The following OTOG variants were observed in gnomAD, a reference collection of about 807,000 sequenced individuals.
OTOG encodes the protein otogelin.
In OTOG, 296 loss-of-function variants were observed where a neutral mutation model predicts 313.8. The ratio of observed to expected loss-of-function variants is 0.94; its 90% CI spans 0.86 to 1.04. OTOG has a LOEUF of 1.04. Among genes scored for constraint, OTOG ranks in the 50% least tolerant of loss-of-function variants. The pLI is 0.00. For synonymous variants in OTOG, 1,533 were observed against 1,554.9 expected (o/e 0.99, Z 0.33); for missense variants, 3,948 against 3,840.1 (o/e 1.03, Z -0.74).
intron 32 of OTOG, among the ~76,000 whole-genome samples, chr11:17,603,577 C>T (rs989429143): frequency 6.6e-6 from 1 of 152,142 alleles, no homozygotes; most frequent in African/African-American, 2.4e-5. Flanking sequence ...GCCTGGGTCT[C>T]ATGGGCCCAG....
At chr11:17,580,887 G>C (rs1345081991) in intron 23 of OTOG, among the ~76,000 whole-genome samples, 1 of 152,194 alleles carries the variant, frequency 6.6e-6, no homozygotes, top group Non-Finnish European at 1.5e-5. Context: ...GTAAAACGTA[G>C]TGAATTAAGC....
At chr11:17,584,899 G>C (rs1253527359) in intron 23 of OTOG, among the ~76,000 whole-genome samples, 3 of 152,150 alleles carry the variant, frequency 2.0e-5, no homozygotes, top group African/African-American at 7.2e-5. Context: ...AAATTACATT[G>C]GTTGATTTTT....
At chr11:17,555,712 A>C in intron 6 of OTOG, 67 bp from the exon 7 acceptor site, 1 of 1,290,930 alleles carries the variant, frequency 7.7e-7, no homozygotes, top group Non-Finnish European at 1.1e-6. Context: ...AAACTCAATA[A>C]GGTGTGAAGC....
At chr11:17,551,397 C>G (rs931524298) in intron 3 of OTOG, among the ~76,000 whole-genome samples, 2 of 152,128 alleles carry the variant, frequency 1.3e-5, no homozygotes, top group African/African-American at 4.8e-5. Context: ...GTTTCTAAGC[C>G]ACACACTTGG....
chr11:17,641,297 G>T (rs1355523070), intron 51 of OTOG, among the ~76,000 whole-genome samples: 1 of 152,192 alleles, frequency 6.6e-6, no homozygotes, highest in Non-Finnish European at 1.5e-5. Context: ...CGGATTTAGT[G>T]CCTGGAAAGA....
intron 6 of OTOG, 46 bp from the exon 7 acceptor site, chr11:17,555,733 G>T (rs1450202685): frequency 6.8e-7 from 1 of 1,472,164 alleles, no homozygotes; most frequent in East Asian, 2.5e-5. Context: ...TCAGGGTCAG[G>T]CCTGTGGCAG....
intron 36 of OTOG, 109 bp downstream of exon 36, chr11:17,611,532 C>A: frequency 8.6e-7 from 1 of 1,158,632 alleles, no homozygotes; most frequent in South Asian, 1.6e-5. Context: ...CTGCCCCATG[C>A]TCCTGGTCCC....
intron 39 of OTOG, among the ~76,000 whole-genome samples, chr11:17,623,510 G>A (rs1853913957): frequency 6.6e-6 from 1 of 152,180 alleles, no homozygotes; most frequent in Non-Finnish European, 1.5e-5. Flanking sequence ...GTATTCCATG[G>A]TGTGTATATA....
In OTOG at chr11:17,626,513, G is replaced by T. The variant is rs994451898; in HGVS notation, c.6529-2620G>T. On this transcript the variant is annotated intron_variant, in intron 39 of 55. Coordinates refer to ENST00000399397, the MANE Select transcript of OTOG (RefSeq NM_001292063.2). ...TTTACGCCAGTACCATGCTGCTTTG[G>T]TTACTATAACTCTGTAGTATAATTT... 1.1e-4 allele frequency among the ~76,000 whole-genome samples: 16 copies of T among 152,126 alleles called. 1 individual carries two copies. Among genetic ancestry groups the T allele is most frequent in the Non-Finnish European group, 7.4e-5 (5 of 68,024 alleles).
chr11:17,610,476 G>A lies in OTOG; in HGVS notation c.5176G>A (p.Gly1726Ser). 1 of 1,550,564 alleles carries A rather than the reference G, an allele frequency of 6.4e-7. No individual in the cohort carries two copies. The highest frequency in any genetic ancestry group is 8.7e-7 in the Non-Finnish European group (1 of 1,146,966). The change falls in exon 36 of 56, where the codon GGC (glycine) becomes AGC (serine). Residue 1726 changes from glycine (G) to serine (S), a missense_variant. Transcript: ENST00000399397. The part of the protein sequence containing the change: ...SLEIVLSTEK[G>S]EAGHSQPMGS... ...GGAGATAGTGCTATCCACAGAGAAG[G>A]GCGAAGCCGGGCACAGCCAGCCCAT...
rs1026550698 is a variant in OTOG at position 17,610,854 on chromosome 11, A to G, written c.5554A>G (p.Thr1852Ala). 6.5e-7 allele frequency: 1 copy of G among 1,550,184 alleles called. No homozygotes were observed. Among genetic ancestry groups the G allele is most frequent in the South Asian group, 1.2e-5 (1 of 84,016 alleles). The change falls in exon 36 of 56, where the codon ACT becomes GCT. Residue 1852 changes from threonine (T) to alanine (A), a missense_variant. Physicochemically the swap from Thr to Ala is moderately conservative, Grantham distance 58. Coordinates refer to ENST00000399397, the MANE Select transcript of OTOG (RefSeq NM_001292063.2). ...GACACTTAGCCCAGTACTGCCTTTC[A>G]CTCCAGCAGCAATGACCCAGGCGCA... ...AQTLSPVLPF[T>A]PAAMTQAHPP... is the part of the protein sequence containing the mutation.
intron 39 of OTOG, among the ~76,000 whole-genome samples, chr11:17,628,705 G>T (rs900432979): frequency 2.6e-5 from 4 of 152,246 alleles, no homozygotes; most frequent in African/African-American, 9.6e-5. Context: ...AAAGCCCAGA[G>T]CAGGGGTATG....
intron 36 of OTOG, 45 bp from the exon 37 acceptor site, chr11:17,612,117 G>A (rs1338255073): frequency 3.2e-6 from 5 of 1,545,410 alleles, no homozygotes; most frequent in Non-Finnish European, 4.4e-6. Context: ...AGGGTGGGCT[G>A]TAGCTCCTTG....
intron 20 of OTOG, 86 bp downstream of exon 20, chr11:17,574,998 G>A: frequency 7.7e-7 from 1 of 1,300,474 alleles, no homozygotes; most frequent in Non-Finnish European, 1.0e-6. Context: ...AACCTGGCTG[G>A]GCCTCTTGTG....
intron 31 of OTOG, among the ~76,000 whole-genome samples, chr11:17,601,705 A>G (rs1212537463): frequency 6.6e-6 from 1 of 152,160 alleles, no homozygotes; most frequent in Non-Finnish European, 1.5e-5. Context: ...CAGGAAGCCC[A>G]TGCTCTGTGC....
chr11:17,627,392 T>G (rs1354604749), intron 39 of OTOG, among the ~76,000 whole-genome samples: 1 of 152,202 alleles, frequency 6.6e-6, no homozygotes, highest in African/African-American at 2.4e-5. Flanking sequence ...GGTTTTTTTG[T>G]CCTTTATTCT....
At chr11:17,549,059 C>T (rs80110506) in intron 3 of OTOG, among the ~76,000 whole-genome samples, 2,371 of 152,308 alleles carry the variant, frequency 0.016, 63 homozygotes, top group African/African-American at 0.052. Context: ...CATCTTCCCA[C>T]GGTCCTCTGT....
At chr11:17,558,840 C>T (rs953214771) in intron 10 of OTOG, among the ~76,000 whole-genome samples, 196 bp downstream of exon 10, 1 of 152,242 alleles carries the variant, frequency 6.6e-6, no homozygotes, top group African/African-American at 2.4e-5. Context: ...CCGTTAGGGT[C>T]ACATAACAAG....
intron 30 of OTOG, among the ~76,000 whole-genome samples, chr11:17,598,837 C>T (rs976434491): frequency 6.6e-6 from 1 of 152,328 alleles, no homozygotes; most frequent in South Asian, 2.1e-4. Context: ...CAGGCACGTG[C>T]CCCTAGCCAC....
Sources: gnomAD v4.1 joint callset for allele counts (sites outside exome capture counted in the v4.1 genomes callset) on GRCh38, gnomAD v4.1.1 for gene constraint, MANE v1.5 for transcripts, NCBI Gene and HGNC (gene_info 2026-07-23, HGNC 2026-07-21) for gene names.